Variants in ARFGAP3 observed in about 807,000 individuals in gnomAD.
ARFGAP3 encodes the protein ADP-ribosylation factor GTPase-activating protein 3.
In ARFGAP3, 72 loss-of-function variants were observed where a neutral mutation model predicts 75.0. The observed-to-expected ratio is 0.96, with a 90% CI of 0.79 to 1.17. ARFGAP3 has a LOEUF of 1.17. Ranked by LOEUF, ARFGAP3 falls within the 50% of genes most tolerant of loss-of-function variation. The pLI, the probability that ARFGAP3 is intolerant of heterozygous loss-of-function variation, is 0.00. For missense variants in ARFGAP3, 620 were observed against 626.6 expected (o/e 0.99, Z 0.11); for synonymous variants, 221 against 217.9 (o/e 1.01, Z -0.13).
intron 8 of ARFGAP3, 80 bp from the exon 9 acceptor site, chr22:42,822,489 G>C: frequency 6.5e-7 from 1 of 1,528,106 alleles, no homozygotes; most frequent in East Asian, 2.3e-5. Flanking sequence ...CTAAGGGTTA[G>C]GACCTGCCAG....
At position 42,835,510 on chromosome 22, in the gene ARFGAP3, G is replaced by T; in HGVS notation, c.262-17C>A. 1.2e-6 allele frequency: 2 copies of T among 1,612,928 alleles called. No homozygotes were observed. The highest frequency in any genetic ancestry group is 1.7e-6 in the Non-Finnish European group (2 of 1,179,302). On this transcript the variant is annotated splice_polypyrimidine_tract_variant and intron_variant, in intron 3 of 15. Coordinates refer to ENST00000263245, the MANE Select transcript of ARFGAP3 (RefSeq NM_014570.5). ...AAAGGAAGACTACAGAGAAAAGCAT[G>T]CACATTAATATTTTCGTAAAACTAC... is the stretch of plus-strand genomic sequence containing the variant.
intron 14 of ARFGAP3, among the ~76,000 whole-genome samples, chr22:42,802,619 T>G (rs1924923213): frequency 7.5e-6 from 1 of 132,530 alleles, no homozygotes; most frequent in Non-Finnish European, 1.6e-5. Flanking sequence ...TTTTTTTTTT[T>G]GAGATGGAGT....
intron 14 of ARFGAP3, among the ~76,000 whole-genome samples, chr22:42,800,829 C>G (rs1490790539): frequency 6.6e-6 from 1 of 152,178 alleles, no homozygotes; most frequent in Non-Finnish European, 1.5e-5. Flanking sequence ...AAAGACAGCC[C>G]TAGTGTGCTC....
chr22:42,853,442 G>T, intron 1 of ARFGAP3: 1 of 220,740 alleles, frequency 4.5e-6, no homozygotes. Context: ...TTGAACAAGG[G>T]AATCTGCTGG....
At chr22:42,808,215 T>A (rs571817892) in intron 13 of ARFGAP3, among the ~76,000 whole-genome samples, 2 of 151,868 alleles carry the variant, frequency 1.3e-5, no homozygotes, top group East Asian at 3.9e-4. Flanking sequence ...CTAGCCAATA[T>A]GGTGAAACCT....
intron 1 of ARFGAP3, among the ~76,000 whole-genome samples, chr22:42,851,458 G>T (rs1027196006): frequency 3.9e-5 from 6 of 152,106 alleles, no homozygotes; most frequent in Admixed American, 6.5e-5. Context: ...GCCCCATGAG[G>T]GGGGGGCCAT....
rs1481395983 is a variant in ARFGAP3 at position 42,797,448 on chromosome 22, T to TA, written c.*139dup. 1 of 1,085,894 alleles carries TA rather than the reference T, an allele frequency of 9.2e-7. No individual in the cohort carries two copies. The highest frequency in any genetic ancestry group is 1.4e-6 in the Non-Finnish European group (1 of 735,492). The allele number at this position is 1,085,894 out of a possible 1,614,324, so 67.3% of individuals were successfully genotyped here. A position where few individuals can be genotyped will look rare whatever the true frequency, so the allele number is the denominator to read the frequency against. On this transcript the variant is annotated 3_prime_UTR_variant, in exon 16 of 16. Transcript: ENST00000263245. ...ACTCAGAATTTCTCAAAAGAAATAT[T>TA]AAAAATCAGAAACATATACCATATG...
chr22:42,802,960 G>A lies in ARFGAP3; in HGVS notation c.1412-3800C>T, dbSNP rs140377448. On this transcript the variant is annotated intron_variant, in intron 14 of 15. Transcript: ENST00000263245. Reference sequence around the variant, plus strand: ...ATTTCTCTGCTTCATGCAGACAAATGAAGAGAAAAAGTATTTCCAAGATTA... The same window carrying A: ...ATTTCTCTGCTTCATGCAGACAAATAAAGAGAAAAAGTATTTCCAAGATTA... Among the ~76,000 whole-genome samples, 1,124 of 152,212 alleles carry A rather than the reference G, an allele frequency of 7.4e-3. 7 individuals carry two copies. Among genetic ancestry groups the A allele is most frequent in the Middle Eastern group, 0.027 (8 of 292 alleles).
At chr22:42,809,098 G>A (rs1024116613) in intron 12 of ARFGAP3, 1 of 258,444 alleles carries the variant, frequency 3.9e-6, no homozygotes, top group East Asian at 1.8e-4. Context: ...TTTAAAACGG[G>A]GTCTGTTATT....
Position 42,817,750 on chromosome 22 carries a change from A to G in ARFGAP3, c.920T>C (p.Met307Thr). 6.2e-7 allele frequency: 1 copy of G among 1,612,964 alleles called. No individual in the cohort carries two copies. The part of the protein sequence containing the change: ...KKNVDSDRLG[M>T]GFGNCRSVIS... Reference sequence around the variant, plus strand: ...ATACCTTCTGCAATTTCCAAATCCCATGCCGAGTCTGTCTGAGTCAACATT... The same window carrying G: ...ATACCTTCTGCAATTTCCAAATCCCGTGCCGAGTCTGTCTGAGTCAACATT... The change falls in exon 10 of 16, where the codon ATG becomes ACG. Residue 307 changes from methionine (M) to threonine (T), a missense_variant. Met to Thr is a moderately conservative substitution (Grantham distance 81). Transcript: ENST00000263245.
intron 5 of ARFGAP3, among the ~76,000 whole-genome samples, chr22:42,832,574 T>C (rs1272054116): frequency 6.7e-6 from 1 of 150,370 alleles, no homozygotes. Flanking sequence ...AATTAAAGAA[T>C]AGATTGAGCA....
chr22:42,854,431 C>T (rs1927410637), intron 1 of ARFGAP3, among the ~76,000 whole-genome samples: 1 of 152,118 alleles, frequency 6.6e-6, no homozygotes, highest in Non-Finnish European at 1.5e-5. Context: ...TTGAGACCAG[C>T]CTGGCCAATA....
At chr22:42,822,431 A>G in intron 8 of ARFGAP3, 22 bp from the exon 9 acceptor site, 1 of 1,608,310 alleles carries the variant, frequency 6.2e-7, no homozygotes, top group Non-Finnish European at 8.5e-7. Context: ...ATAAGACTAT[A>G]GTCTACACGA....
intron 14 of ARFGAP3, among the ~76,000 whole-genome samples, chr22:42,803,900 CTTTTT>C (rs11289963): frequency 1.7e-5 from 2 of 119,692 alleles, no homozygotes; most frequent in Non-Finnish European, 1.6e-5. Flanking sequence ...CCTCCTTCCT[CTTTTT>C]TTTTTTTTTT....
At chr22:42,804,892 G>GA (rs371613234) in intron 14 of ARFGAP3, among the ~76,000 whole-genome samples, 5 of 151,080 alleles carry the variant, frequency 3.3e-5, no homozygotes, top group South Asian at 2.1e-4. Context: ...CAAAATAAAA[G>GA]AAAAAAAAAT....
intron 11 of ARFGAP3, 54 bp downstream of exon 11, chr22:42,817,088 T>C (rs1384986164): frequency 2.5e-6 from 3 of 1,222,940 alleles, no homozygotes; most frequent in Admixed American, 1.7e-5. Context: ...AATAAATCCA[T>C]ACTAGTCACT....
intron 7 of ARFGAP3, among the ~76,000 whole-genome samples, chr22:42,825,111 A>C (rs1248255410): frequency 2.0e-5 from 3 of 152,218 alleles, no homozygotes; most frequent in Admixed American, 2.0e-4. Flanking sequence ...ACAAACAAAA[A>C]ACATTAGTCC....
At chr22:42,848,717 A>T (rs5758982) in intron 1 of ARFGAP3, among the ~76,000 whole-genome samples, 65,397 of 151,854 alleles carry the variant, frequency 0.43, 14,622 homozygotes, top group Non-Finnish European at 0.48. Flanking sequence ...CAGGCTGTTG[A>T]GCATATTGCT....
intron 13 of ARFGAP3, among the ~76,000 whole-genome samples, chr22:42,807,756 C>G (rs950412626): frequency 3.3e-5 from 5 of 151,966 alleles, no homozygotes; most frequent in African/African-American, 7.2e-5. Context: ...TTGAGTCTTA[C>G]AGCTTAGCAA....
Sources: gnomAD v4.1 joint callset for allele counts (sites outside exome capture counted in the v4.1 genomes callset) on GRCh38, gnomAD v4.1.1 for gene constraint, MANE v1.5 for transcripts, NCBI Gene and HGNC (gene_info 2026-07-23, HGNC 2026-07-21) for gene names.